Variants in PEBP4 observed in about 807,000 individuals in gnomAD.
PEBP4 encodes phosphatidylethanolamine-binding protein 4.
A neutral mutation model predicts 23.9 loss-of-function variants in PEBP4; 22 were observed. The ratio of observed to expected loss-of-function variants is 0.92; its 90% CI spans 0.66 to 1.31. PEBP4 has a LOEUF of 1.31. Ranked by LOEUF, PEBP4 falls within the 40% of genes most tolerant of loss-of-function variation. The probability of loss-of-function intolerance (pLI) is 0.00; values close to 1 mark genes in which losing one functional copy is unlikely to be tolerated. For synonymous variants in PEBP4, 112 were observed against 99.3 expected (o/e 1.13, Z -0.76); for missense variants, 324 against 281.7 (o/e 1.15, Z -1.07).
chr8:22,849,730 T>C (rs1379672079), intron 3 of PEBP4, among the ~76,000 whole-genome samples: 1 of 152,238 alleles, frequency 6.6e-6, no homozygotes, highest in Non-Finnish European at 1.5e-5. Context: ...ACTACAACTC[T>C]TCACTCTTCA....
At chr8:22,843,895 C>A (rs1000751226) in intron 3 of PEBP4, among the ~76,000 whole-genome samples, 1 of 152,218 alleles carries the variant, frequency 6.6e-6, no homozygotes, top group Non-Finnish European at 1.5e-5. Context: ...CCTCTGACGG[C>A]TCTGAAGCAA....
intron 3 of PEBP4, among the ~76,000 whole-genome samples, chr8:22,863,614 C>T (rs1440470441): frequency 6.6e-6 from 1 of 152,150 alleles, no homozygotes; most frequent in Non-Finnish European, 1.5e-5. Flanking sequence ...GTATTCCCCA[C>T]CCCTTCTCAC....
intron 3 of PEBP4, among the ~76,000 whole-genome samples, chr8:22,900,656 CAA>C (rs111459741): frequency 6.7e-5 from 9 of 134,398 alleles, no homozygotes; most frequent in Non-Finnish European, 8.1e-5. Context: ...ACTCTGTCTC[CAA>C]AAAAAAAAAA....
At position 22,865,289 on chromosome 8, in the gene PEBP4, G is replaced by A. The variant is rs1170075301; in HGVS notation, c.259-47554C>T. The stretch of plus-strand genomic sequence containing the variant: ...AACAACTCCTTGCTCAGGGCAGCCC[G>A]GGAAGAGCGGCGGGCGGATGGGAAT... On this transcript the variant is annotated intron_variant, in intron 3 of 6. Coordinates refer to ENST00000256404, the MANE Select transcript of PEBP4 (RefSeq NM_144962.3). This position sits in a 1 kb window ranked among gnomAD's most constrained non-coding sequence, Gnocchi z 6.9. 6.6e-6 allele frequency among the ~76,000 whole-genome samples: 1 copy of A among 152,058 alleles called. No homozygotes were observed. The highest frequency in any genetic ancestry group is 1.5e-5 in the Non-Finnish European group (1 of 67,994).
chr8:22,736,235 G>C (rs993251537), intron 4 of PEBP4, among the ~76,000 whole-genome samples: 124 of 152,298 alleles, frequency 8.1e-4, no homozygotes, highest in Non-Finnish European at 7.4e-5. Flanking sequence ...TCTGGATGGG[G>C]TTCCGGGGTG....
chr8:22,908,393 C>G (rs1543018), intron 3 of PEBP4, among the ~76,000 whole-genome samples: 1 of 141,808 alleles, frequency 7.1e-6, no homozygotes, highest in East Asian at 2.0e-4. Context: ...AACAAACAAA[C>G]AAAAAAAAAA....
At chr8:22,827,925 G>A (rs375472813) in intron 3 of PEBP4, among the ~76,000 whole-genome samples, 26 of 152,330 alleles carry the variant, frequency 1.7e-4, no homozygotes, top group Admixed American at 1.0e-3. Flanking sequence ...GCTAGTGGGT[G>A]TAAACTGGTA....
chr8:22,851,968 G>C (rs1807561006), intron 3 of PEBP4, among the ~76,000 whole-genome samples: 1 of 152,160 alleles, frequency 6.6e-6, no homozygotes. Flanking sequence ...GGGATCAGCT[G>C]TGTGGGGCAG....
At chr8:22,740,337 G>A (rs1804962280) in intron 4 of PEBP4, among the ~76,000 whole-genome samples, 1 of 152,172 alleles carries the variant, frequency 6.6e-6, no homozygotes, top group African/African-American at 2.4e-5. Flanking sequence ...TCTTTTCCGA[G>A]GGACTGATGG....
At chr8:22,755,631 G>A (rs931230796) in intron 4 of PEBP4, 3 of 152,074 alleles carry the variant, frequency 2.0e-5, no homozygotes, top group African/African-American at 7.2e-5. Context: ...CCACCGTGCT[G>A]GGGCAAAATT....
At position 22,727,148 on chromosome 8, in the gene PEBP4, G is replaced by A. The variant is rs1804635304; in HGVS notation, c.403+27C>T. On this transcript the variant is annotated intron_variant, in intron 5 of 6. Transcript: ENST00000256404. ...GATCGTCACTGATGCCCTGGCTGGG[G>A]GAAGGGGTCCCTAGGGTCTTACTCA... The A allele has an allele frequency of 1.9e-6, 3 of 1,613,064 alleles. No homozygotes were observed. In the African/African-American group the frequency reaches 4.0e-5, roughly 22 times the overall value.
chr8:22,742,547 G>C (rs58604548), intron 4 of PEBP4, among the ~76,000 whole-genome samples: 7,768 of 152,264 alleles, frequency 0.051, 673 homozygotes, highest in African/African-American at 0.18. Flanking sequence ...CCCCTCTGGG[G>C]ACAGAAGGGG....
intron 4 of PEBP4, chr8:22,814,983 A>T (rs1042448268): frequency 6.6e-6 from 1 of 152,036 alleles, no homozygotes; most frequent in African/African-American, 2.4e-5. Context: ...GAGAGATGTG[A>T]TGTGAACTCA....
At chr8:22,747,930 CAG>C (rs1805163578) in intron 4 of PEBP4, among the ~76,000 whole-genome samples, 1 of 152,226 alleles carries the variant, frequency 6.6e-6, no homozygotes. Flanking sequence ...GGCTCTCCCA[CAG>C]AGCTGTGGGT....
At chr8:22,850,789 A>G (rs1807534975) in intron 3 of PEBP4, among the ~76,000 whole-genome samples, 1 of 152,230 alleles carries the variant, frequency 6.6e-6, no homozygotes. Context: ...AGTCAGTGTT[A>G]CTAACAGCCA....
intron 4 of PEBP4, among the ~76,000 whole-genome samples, chr8:22,751,395 A>AC (rs1253489532): frequency 2.0e-5 from 3 of 152,162 alleles, no homozygotes; most frequent in Non-Finnish European, 4.4e-5. Context: ...GCCTTGGGAA[A>AC]CTTGGGTCTG....
intron 3 of PEBP4, among the ~76,000 whole-genome samples, chr8:22,874,665 G>A (rs1384990966): frequency 6.6e-6 from 1 of 152,180 alleles, no homozygotes; most frequent in African/African-American, 2.4e-5. Context: ...GTTGCATATA[G>A]TTCAATTGTG....
At chr8:22,876,953 C>T (rs1456552994) in intron 3 of PEBP4, among the ~76,000 whole-genome samples, 1 of 152,132 alleles carries the variant, frequency 6.6e-6, no homozygotes, top group African/African-American at 2.4e-5. Context: ...GCTAATAGTG[C>T]CTCCTTCATT....
chr8:22,833,583 T>C (rs58998899), intron 3 of PEBP4, among the ~76,000 whole-genome samples: 12,163 of 152,174 alleles, frequency 0.08, 887 homozygotes, highest in African/African-American at 0.19. Flanking sequence ...TTGCCTGCCT[T>C]GGCCTCTCAA....
Sources: gnomAD v4.1 joint callset for allele counts (sites outside exome capture counted in the v4.1 genomes callset) on GRCh38, gnomAD v4.1.1 for gene constraint, Gnocchi (gnomAD v3.1) non-coding constraint, MANE v1.5 for transcripts, NCBI Gene and HGNC (gene_info 2026-07-23, HGNC 2026-07-21) for gene names.